GOLGA4: variants seen among roughly 807,000 people sequenced by gnomAD.
GOLGA4 encodes golgin A4.
A neutral mutation model predicts 265.9 loss-of-function variants in GOLGA4; 169 were observed. The ratio of observed to expected loss-of-function variants is 0.64; its 90% CI spans 0.56 to 0.72. The LOEUF is 0.72. Among genes scored for constraint, GOLGA4 ranks in the 30% least tolerant of loss-of-function variants. The probability of loss-of-function intolerance (pLI) is 0.00; values close to 1 mark genes in which losing one functional copy is unlikely to be tolerated. For missense variants in GOLGA4, 2,482 were observed against 2,483.4 expected (o/e 1.00, Z 0.01); for synonymous variants, 923 against 855.8 (o/e 1.08, Z -1.37).
At chr3:37,281,274 C>T (rs1190814694) in intron 2 of GOLGA4, among the ~76,000 whole-genome samples, 2 of 152,166 alleles carry the variant, frequency 1.3e-5, no homozygotes, top group African/African-American at 2.4e-5. Flanking sequence ...GACTCTAACT[C>T]AGACCTTTCA....
intron 16 of GOLGA4, among the ~76,000 whole-genome samples, chr3:37,333,876 C>G (rs1027283915): frequency 1.3e-5 from 2 of 152,094 alleles, no homozygotes; most frequent in East Asian, 1.9e-4. Context: ...TTCTAAATGT[C>G]GTATGATTCA....
intron 20 of GOLGA4, among the ~76,000 whole-genome samples, chr3:37,340,568 T>C (rs977617736): frequency 2.0e-5 from 3 of 152,218 alleles, no homozygotes; most frequent in Admixed American, 6.5e-5. Context: ...CTTGAACTTA[T>C]TCTTCCTTAT....
chr3:37,261,974 C>G (rs1206946942), intron 2 of GOLGA4, among the ~76,000 whole-genome samples: 2 of 151,910 alleles, frequency 1.3e-5, no homozygotes, highest in East Asian at 3.9e-4. Context: ...TCAAGATGAG[C>G]CTGTAAATGA....
rs1351353388 is a variant in GOLGA4 at position 37,337,737 on chromosome 3, A to C, written c.6396+3A>C. 1.3e-6 allele frequency: 2 copies of C among 1,569,962 alleles called. No individual in the cohort carries two copies. Among genetic ancestry groups the C allele is most frequent in the Admixed American group, 1.7e-5 (1 of 59,968 alleles). ...AAGAGCAAGAGTTCAGAGAACAGGTACAGGCCTAATTGGTACCTTTTATTT... is the reference window on the plus strand; with the variant it reads ...AAGAGCAAGAGTTCAGAGAACAGGTCCAGGCCTAATTGGTACCTTTTATTT... On this transcript the variant is annotated splice_donor_region_variant and intron_variant, in intron 19 of 23. Transcript: ENST00000361924.
At chr3:37,355,251 T>G in intron 22 of GOLGA4, 64 bp downstream of exon 22, 2 of 851,428 alleles carry the variant, frequency 2.3e-6, no homozygotes, top group Non-Finnish European at 4.0e-6. Flanking sequence ...TCTGTCTCAT[T>G]TATAAGGACT....
At chr3:37,268,150 C>T (rs754845571) in intron 2 of GOLGA4, among the ~76,000 whole-genome samples, 6 of 152,200 alleles carry the variant, frequency 3.9e-5, no homozygotes, top group Non-Finnish European at 7.4e-5. Context: ...GGTACAATCA[C>T]GGCTCACTAC....
intron 22 of GOLGA4, among the ~76,000 whole-genome samples, chr3:37,356,214 T>G (rs2151073040): frequency 6.6e-6 from 1 of 152,210 alleles, no homozygotes; most frequent in African/African-American, 2.4e-5. Context: ...GGGGTTTTCC[T>G]CCTCCCGGCT....
rs1166191840 is a variant in GOLGA4, at chr3:37,315,602, A to G, written c.1413+4A>G. ...GGAGGTTGTTGATGTAATGAAAGTA[A>G]GAATAATTCTGTAATGAAATGGGCT... On this transcript the variant is annotated splice_donor_region_variant and intron_variant, in intron 11 of 23. Coordinates refer to ENST00000361924, the MANE Select transcript of GOLGA4 (RefSeq NM_002078.5). The G allele has an allele frequency of 6.2e-7, 1 of 1,609,130 alleles. No individual in the cohort carries two copies. Among genetic ancestry groups the G allele is most frequent in the Non-Finnish European group, 8.5e-7 (1 of 1,175,832 alleles).
intron 21 of GOLGA4, among the ~76,000 whole-genome samples, chr3:37,349,207 G>C (rs1473584673): frequency 6.6e-6 from 1 of 152,164 alleles, no homozygotes; most frequent in African/African-American, 2.4e-5. Context: ...CACCATGGTA[G>C]ATAGCAAGAT....
chr3:37,340,048 G>A, intron 19 of GOLGA4, 76 bp from the exon 20 acceptor site: 2 of 658,280 alleles, frequency 3.0e-6, no homozygotes, highest in Non-Finnish European at 5.5e-6. Context: ...AAACCTTGTG[G>A]TGACAGCAAT....
intron 20 of GOLGA4, among the ~76,000 whole-genome samples, chr3:37,346,991 A>G (rs987212627): frequency 3.3e-5 from 5 of 152,226 alleles, no homozygotes; most frequent in African/African-American, 1.2e-4. Flanking sequence ...TAAAATTGTT[A>G]TAGTAATTCT....
intron 2 of GOLGA4, among the ~76,000 whole-genome samples, chr3:37,263,999 A>G (rs1578401344): frequency 6.6e-6 from 1 of 152,350 alleles, no homozygotes; most frequent in East Asian, 1.9e-4. Context: ...TAACAAGGTC[A>G]ACAAAGATTT....
At chr3:37,276,036 A>G (rs925086109) in intron 2 of GOLGA4, 1 of 1,612,906 alleles carries the variant, frequency 6.2e-7, no homozygotes, top group South Asian at 1.1e-5. Flanking sequence ...AATGTAAGCA[A>G]CAGAAAGGAT....
At chr3:37,259,798 T>C (rs972880860) in intron 2 of GOLGA4, among the ~76,000 whole-genome samples, 3 of 152,210 alleles carry the variant, frequency 2.0e-5, no homozygotes, top group Non-Finnish European at 2.9e-5. Context: ...TTTCCCATCT[T>C]ATATACCCTT....
chr3:37,243,876 T>A (rs971612591), intron 1 of GOLGA4: 7 of 533,252 alleles, frequency 1.3e-5, no homozygotes, highest in Non-Finnish European at 2.3e-5. Flanking sequence ...TGACATTCCA[T>A]CTCCGTTAAG....
chr3:37,351,014 T>G (rs539197064), intron 21 of GOLGA4, among the ~76,000 whole-genome samples: 3 of 152,252 alleles, frequency 2.0e-5, no homozygotes, highest in African/African-American at 7.2e-5. Flanking sequence ...GCCATATCAG[T>G]TGACACTTCC....
intron 2 of GOLGA4, among the ~76,000 whole-genome samples, chr3:37,251,882 A>G (rs551237737): frequency 1.3e-4 from 20 of 152,256 alleles, no homozygotes; most frequent in South Asian, 1.0e-3. Context: ...GGGTCCCACT[A>G]TGTTGCTCAG....
At chr3:37,278,847 G>T (rs1207853426) in intron 2 of GOLGA4, among the ~76,000 whole-genome samples, 12 of 138,152 alleles carry the variant, frequency 8.7e-5, no homozygotes, top group African/African-American at 2.7e-4. Context: ...GAGTCTCTCT[G>T]TGTCACCCAG....
chr3:37,265,442 C>A (rs2096781136), intron 2 of GOLGA4, among the ~76,000 whole-genome samples: 1 of 152,106 alleles, frequency 6.6e-6, no homozygotes, highest in Admixed American at 6.5e-5. Flanking sequence ...TATGTTTTAT[C>A]TTCTCCATGT....
Sources: gnomAD v4.1 joint callset for allele counts (sites outside exome capture counted in the v4.1 genomes callset) on GRCh38, gnomAD v4.1.1 for gene constraint, MANE v1.5 for transcripts, NCBI Gene and HGNC (gene_info 2026-07-23, HGNC 2026-07-21) for gene names.